The following ADI1 variants were observed in gnomAD, a reference collection of about 807,000 sequenced individuals.
ADI1 encodes the protein acireductone dioxygenase.
In ADI1, 21 loss-of-function variants were observed where a neutral mutation model predicts 18.7. That is an observed-to-expected ratio of 1.13 (90% confidence interval 0.80 to 1.62). ADI1 has a LOEUF of 1.62. ADI1 is among the 40% of genes most tolerant of loss of function. The pLI, the probability that ADI1 is intolerant of heterozygous loss-of-function variation, is 0.00. For synonymous variants in ADI1, 90 were observed against 100.1 expected (o/e 0.90, Z 0.60); for missense variants, 245 against 254.9 (o/e 0.96, Z 0.26).
In ADI1 at chr2:3,513,851, C is replaced by T; in HGVS notation, c.240+6G>A. On this transcript the variant is annotated splice_donor_region_variant and intron_variant, in intron 2 of 3. Coordinates refer to ENST00000327435, the MANE Select transcript of ADI1 (RefSeq NM_018269.4). Reference sequence around the variant, plus strand: ...TTCTTTTCCAGGTAATCCAGGGCTCCCTTACCTTTTCTTCATAATTTGGTA... The same window carrying T: ...TTCTTTTCCAGGTAATCCAGGGCTCTCTTACCTTTTCTTCATAATTTGGTA... The T allele has an allele frequency of 6.3e-7, 1 of 1,595,644 alleles. No individual in the cohort carries two copies. Among genetic ancestry groups the T allele is most frequent in the Non-Finnish European group, 8.5e-7 (1 of 1,175,230 alleles).
At position 3,503,196 on chromosome 2, in the gene ADI1, T is replaced by C. The variant is rs939765875; in HGVS notation, c.241-2203A>G. On this transcript the variant is annotated intron_variant, in intron 2 of 3. Transcript: ENST00000327435. ...ATTCACACTCACATGCACACATACA[T>C]GCATGCATTCACACACATGCACACA... is the stretch of plus-strand genomic sequence containing the variant. Among the ~76,000 whole-genome samples, 8 of 146,280 alleles carry C rather than the reference T, an allele frequency of 5.5e-5. 1 individual carries two copies. The highest frequency in any genetic ancestry group is 6.0e-5 in the Non-Finnish European group (4 of 66,890).
At chr2:3,508,334 C>CAAAAA (rs33977448) in intron 2 of ADI1, among the ~76,000 whole-genome samples, 438 of 26,906 alleles carry the variant, frequency 0.016, 81 homozygotes, top group Non-Finnish European at 0.03. Flanking sequence ...GACTCTGTCT[C>CAAAAA]AAAAAAAAAA....
chr2:3,506,888 G>GA (rs1001624008), intron 2 of ADI1, among the ~76,000 whole-genome samples: 7 of 151,928 alleles, frequency 4.6e-5, no homozygotes, highest in Non-Finnish European at 1.0e-4. Context: ...GCAATACAAT[G>GA]AAAAAAAGGT....
At chr2:3,510,333 G>GAAT (rs1025867883) in intron 2 of ADI1, among the ~76,000 whole-genome samples, 10 of 151,590 alleles carry the variant, frequency 6.6e-5, no homozygotes, top group Admixed American at 2.6e-4. Flanking sequence ...TCTGTTTCTA[G>GAAT]AATAATAATA....
chr2:3,508,329 T>G (rs1667218360), intron 2 of ADI1, among the ~76,000 whole-genome samples: 1 of 66,328 alleles, frequency 1.5e-5, no homozygotes, highest in African/African-American at 6.0e-5. Context: ...AGTGAGACTC[T>G]GTCTCAAAAA....
chr2:3,498,963 C>CT lies in ADI1; in HGVS notation c.539dup (p.Ter180=). The change falls in exon 4 of 4, where the codon TAG becomes TAAG. Residue 180 remains the stop codon, a frameshift_variant and stop_retained_variant. Coordinates refer to ENST00000327435, the MANE Select transcript of ADI1 (RefSeq NM_018269.4). LOFTEE classifies it high-confidence loss of function. ...ACGTGTTAGTTCCCAGGCAGCACTG[C>CT]TAGGCGGTCTGTGCCAGAAATTTCA... ...QYVKFLAQTA[*] 6.2e-7 allele frequency: 1 copy of CT among 1,611,068 alleles called. No homozygotes were observed. The highest frequency in any genetic ancestry group is 8.5e-7 in the Non-Finnish European group (1 of 1,177,564).
At chr2:3,519,155 G>A in intron 1 of ADI1, 1 of 577,358 alleles carries the variant, frequency 1.7e-6, no homozygotes, top group Non-Finnish European at 2.6e-6. Context: ...CAGGCGCCGC[G>A]CAGGAGGCCC....
intron 1 of ADI1, among the ~76,000 whole-genome samples, chr2:3,517,902 T>C (rs909014992): frequency 2.0e-5 from 3 of 152,170 alleles, no homozygotes; most frequent in Non-Finnish European, 2.9e-5. Flanking sequence ...CTAAAAGATG[T>C]CTATTAAAAT....
chr2:3,504,545 A>G (rs1220008262), intron 2 of ADI1, among the ~76,000 whole-genome samples: 1 of 152,166 alleles, frequency 6.6e-6, no homozygotes, highest in Non-Finnish European at 1.5e-5. Flanking sequence ...CAATATGTGG[A>G]CTCTAACCAG....
chr2:3,508,879 G>C (rs889241305), intron 2 of ADI1, among the ~76,000 whole-genome samples: 1 of 151,722 alleles, frequency 6.6e-6, no homozygotes, highest in South Asian at 2.1e-4. Context: ...ATTTCAGCCT[G>C]GGTGACAGAG....
At chr2:3,512,093 AAGC>A (rs1215937659) in intron 2 of ADI1, among the ~76,000 whole-genome samples, 5 of 152,390 alleles carry the variant, frequency 3.3e-5, no homozygotes, top group Non-Finnish European at 5.9e-5. Context: ...TTTAAAAGGG[AAGC>A]AGAGCAGAAA....
intron 2 of ADI1, among the ~76,000 whole-genome samples, chr2:3,507,250 A>C (rs949495444): frequency 6.6e-6 from 1 of 152,242 alleles, no homozygotes; most frequent in African/African-American, 2.4e-5. Flanking sequence ...AGAAGAGAAA[A>C]AAGTGAATAA....
At chr2:3,502,768 T>C (rs1244136722) in intron 2 of ADI1, among the ~76,000 whole-genome samples, 1 of 152,128 alleles carries the variant, frequency 6.6e-6, no homozygotes, top group Non-Finnish European at 1.5e-5. Context: ...AAATAACTCT[T>C]GAACATATTA....
chr2:3,500,583 A>C, intron 3 of ADI1: 2 of 622,124 alleles, frequency 3.2e-6, no homozygotes, highest in South Asian at 3.9e-5. Context: ...TGAAATGCAC[A>C]CCTGTCCACC....
intron 2 of ADI1, among the ~76,000 whole-genome samples, chr2:3,512,438 G>A (rs1255610587): frequency 6.6e-6 from 1 of 152,218 alleles, no homozygotes; most frequent in East Asian, 1.9e-4. Context: ...GAGCCCCTCT[G>A]CCCTACAGAG....
chr2:3,514,045 G>A, intron 1 of ADI1, 69 bp from the exon 2 acceptor site: 1 of 1,504,812 alleles, frequency 6.6e-7, no homozygotes, highest in Non-Finnish European at 8.9e-7. Flanking sequence ...TTCTCTTTCT[G>A]GATCTCCAAT....
chr2:3,515,968 C>CCT (rs1245945627), intron 1 of ADI1: 1 of 984,414 alleles, frequency 1.0e-6, no homozygotes, highest in East Asian at 1.1e-4. Context: ...AAAACTTAGC[C>CCT]TATCCACTGC....
At position 3,519,510 on chromosome 2, in the gene ADI1, TTCGAACCCAGGGGCCGCGC is replaced by T. The variant is rs2103217672; in HGVS notation, c.-42_-24del. 2 of 1,262,868 alleles carry T rather than the reference TTCGAACCCAGGGGCCGCGC, an allele frequency of 1.6e-6. No homozygotes were observed. The highest frequency in any genetic ancestry group is 4.0e-5 in the Admixed American group (1 of 24,866). The allele number at this position is 1,262,868 out of a possible 1,614,324, so 78.2% of individuals were successfully genotyped here. ...CATGACGCGCAGTGCGGGTGCCGTG[TTCGAACCCAGGGGCCGCGC>T]TCGGAGCCCGTCGGCCGCGCTTTAT... On this transcript the variant is annotated 5_prime_UTR_variant, in exon 1 of 4. Coordinates refer to ENST00000327435, the MANE Select transcript of ADI1 (RefSeq NM_018269.4).
chr2:3,509,200 C>T (rs1049631973), intron 2 of ADI1, among the ~76,000 whole-genome samples: 2 of 152,080 alleles, frequency 1.3e-5, no homozygotes, highest in Non-Finnish European at 2.9e-5. Context: ...ACTGATAGAA[C>T]TGCAAAGAAA....
Sources: allele counts gnomAD v4.1 joint callset (sites outside exome capture counted in the v4.1 genomes callset), GRCh38; gene constraint gnomAD v4.1.1; transcripts MANE v1.5; gene names NCBI Gene and HGNC (gene_info 2026-07-23, HGNC 2026-07-21).